RAI2: variants seen among roughly 807,000 people sequenced by gnomAD.
RAI2 encodes the protein retinoic acid-induced protein 2.
In RAI2, 5 loss-of-function variants were observed where a neutral mutation model predicts 15.3. That is an observed-to-expected ratio of 0.33 (90% CI 0.17 to 0.69). The LOEUF (loss-of-function observed/expected upper bound fraction) is 0.69, where lower values mean the gene tolerates loss of function less well. Ranked by LOEUF, RAI2 falls within the 30% of genes least tolerant of loss-of-function variation. RAI2 has a pLI of 0.69. For missense variants in RAI2, 424 were observed against 424.7 expected (o/e 1.00, Z 0.01); for synonymous variants, 191 against 184.0 (o/e 1.04, Z -0.31).
chrX:17,853,270 C>A (rs2067558629), intron 1 of RAI2, among the ~76,000 whole-genome samples: 1 of 112,040 alleles, frequency 8.9e-6, no homozygotes, highest in Admixed American at 9.4e-5. Flanking sequence ...CTTCCACCAA[C>A]CTTAGAATTA....
Position 17,800,783 on chromosome X carries a change from C to T in RAI2, c.1228G>A (p.Glu410Lys), listed in dbSNP as rs774465625. 1.6e-5 allele frequency: 19 copies of T among 1,211,786 alleles called. No homozygotes were observed. Among genetic ancestry groups the T allele is most frequent in the Admixed American group, 2.2e-5 (1 of 46,063 alleles). The change falls in exon 2 of 2, where the codon GAG (glutamate) becomes AAG (lysine). Residue 410 changes from glutamate (E) to lysine (K), a missense_variant. Coordinates refer to ENST00000451717, the MANE Select transcript of RAI2 (RefSeq NM_021785.6). ...GGGTGGTTGGGCTGGCTGAGCATCTCGGTAGCAGCATCACTGCTGCTGATG... is the reference window on the plus strand; with the variant it reads ...GGGTGGTTGGGCTGGCTGAGCATCTTGGTAGCAGCATCACTGCTGCTGATG... Reference protein sequence around the residue: ...SHISSSDAATEMLSQPNHPSG... With the variant: ...SHISSSDAATKMLSQPNHPSG...
intron 1 of RAI2, among the ~76,000 whole-genome samples, chrX:17,821,709 C>T (rs778047772): frequency 5.4e-5 from 6 of 111,338 alleles, no homozygotes; most frequent in Non-Finnish European, 9.4e-5. Context: ...AAGACTAGTA[C>T]AACTCATTTT....
At chrX:17,809,659 A>G (rs1295397020) in intron 1 of RAI2, among the ~76,000 whole-genome samples, 1 of 110,992 alleles carries the variant, frequency 9.0e-6, no homozygotes, top group Non-Finnish European at 1.9e-5. Context: ...TGTGAGAATG[A>G]AAACGTTACA....
intron 1 of RAI2, among the ~76,000 whole-genome samples, chrX:17,833,505 G>C (rs1240963663): frequency 8.9e-6 from 1 of 111,880 alleles, no homozygotes; most frequent in Non-Finnish European, 1.9e-5. Flanking sequence ...CTGGGTGACA[G>C]AGTGAGACTC....
chrX:17,859,180 T>C, intron 1 of RAI2, among the ~76,000 whole-genome samples: 1 of 111,231 alleles, frequency 9.0e-6, no homozygotes, highest in Non-Finnish European at 1.9e-5. Context: ...TCCCCTTCCG[T>C]ATTGTCCCCC....
chrX:17,850,501 A>T (rs889244619), intron 1 of RAI2, among the ~76,000 whole-genome samples: 2 of 112,344 alleles, frequency 1.8e-5, no homozygotes, highest in African/African-American at 6.5e-5. Context: ...GCCCCCTCAA[A>T]CTCCTCCAAA....
chrX:17,836,005 C>T (rs1333420551), intron 1 of RAI2, among the ~76,000 whole-genome samples: 1 of 112,169 alleles, frequency 8.9e-6, no homozygotes, highest in Admixed American at 9.5e-5. Context: ...CCTTTTCACA[C>T]TGTATTTTAT....
chrX:17,802,149 C>A, intron 1 of RAI2, 115 bp from the exon 2 acceptor site: 1 of 900,509 alleles, frequency 1.1e-6, no homozygotes, highest in Admixed American at 3.6e-5. Flanking sequence ...GGGAGCATAA[C>A]CCATCTCTCT....
intron 1 of RAI2, among the ~76,000 whole-genome samples, chrX:17,809,128 C>T (rs2067013272): frequency 8.9e-6 from 1 of 112,242 alleles, no homozygotes. Context: ...ATGAGGAATA[C>T]ACAAAATAGT....
chrX:17,831,442 C>G (rs1569351423), intron 1 of RAI2, among the ~76,000 whole-genome samples: 1 of 111,961 alleles, frequency 8.9e-6, no homozygotes, highest in Non-Finnish European at 1.9e-5. Context: ...TAGATACTTA[C>G]AAGTACATGC....
Position 17,801,410 on chromosome X carries a change from G to A in RAI2, c.601C>T (p.Pro201Ser), listed in dbSNP as rs776638616. 12 of 1,152,268 alleles carry A rather than the reference G, an allele frequency of 1.0e-5. No homozygotes were observed. Among genetic ancestry groups the A allele is most frequent in the South Asian group, 4.2e-5 (2 of 48,171 alleles). The allele number at this position is 1,152,268 out of a possible 1,213,427, so 95.0% of individuals were successfully genotyped here. A position where few individuals can be genotyped will look rare whatever the true frequency, so the allele number is the denominator to read the frequency against. ...LFPSQGTLGP[P>S]PCQPPPGYAP... is the part of the protein sequence containing the mutation. ...TAGCCAGGAGGAGGCTGACAGGGTG[G>A]GGGCCCGAGAGTGCCCTGGGAGGGA... The change falls in exon 2 of 2, where the codon CCA becomes TCA. Residue 201 changes from proline to serine, a missense_variant. Transcript: ENST00000451717.
intron 1 of RAI2, among the ~76,000 whole-genome samples, chrX:17,827,949 G>A (rs1317535207): frequency 9.0e-6 from 1 of 110,652 alleles, no homozygotes; most frequent in Non-Finnish European, 1.9e-5. Context: ...TTCTAGGCCA[G>A]CAATTCTAAA....
chrX:17,840,977 G>C (rs2067390687), intron 1 of RAI2, among the ~76,000 whole-genome samples: 2 of 112,161 alleles, frequency 1.8e-5, no homozygotes, highest in South Asian at 7.5e-4. Context: ...TAGTGAATTA[G>C]AGAGGGAAAC....
At position 17,825,741 on chromosome X, in the gene RAI2, GA is replaced by G. The variant is rs752044901; in HGVS notation, c.-24-23708del. Among the ~76,000 whole-genome samples the G allele has an allele frequency of 4.4e-5, 5 of 112,764 alleles. No individual in the cohort carries two copies. In the South Asian group the frequency reaches 1.8e-3, roughly 42 times the overall value. ...GACCATTACAGTAAGTCTTACTGAA[GA>G]AAGAATAAAACCAAGTAATTCCCTG... On this transcript the variant is annotated intron_variant, in intron 1 of 1. Coordinates refer to ENST00000451717, the MANE Select transcript of RAI2 (RefSeq NM_021785.6).
intron 1 of RAI2, among the ~76,000 whole-genome samples, chrX:17,809,741 G>C (rs2067022867): frequency 9.0e-6 from 1 of 110,606 alleles, no homozygotes; most frequent in Admixed American, 9.6e-5. Context: ...ACAAGTCTTA[G>C]TGTTACTGGC....
intron 1 of RAI2, among the ~76,000 whole-genome samples, chrX:17,806,620 T>C (rs2066984291): frequency 9.0e-6 from 1 of 111,266 alleles, no homozygotes. Flanking sequence ...CCAGGACAGA[T>C]GAGGAGGTAG....
Position 17,801,548 on chromosome X carries a change from G to C in RAI2, c.463C>G (p.Leu155Val), listed in dbSNP as rs747246701. ...PCSSSTIHNN[L>V]FQGAEDPEAQ... Reference sequence around the variant, plus strand: ...TCGGGGTCCTCCGCTCCCTGGAAGAGGTTGTTGTGGATGGTACTGGAGGAG... The same window carrying C: ...TCGGGGTCCTCCGCTCCCTGGAAGACGTTGTTGTGGATGGTACTGGAGGAG... The change falls in exon 2 of 2, where the codon CTC (leucine) becomes GTC (valine). Residue 155 changes from leucine to valine, a missense_variant. By Grantham distance (32) the Leu-to-Val change is conservative (BLOSUM62 1). Coordinates refer to ENST00000451717, the MANE Select transcript of RAI2 (RefSeq NM_021785.6). 2 of 1,206,247 alleles carry C rather than the reference G, an allele frequency of 1.7e-6. No homozygotes were observed. The highest frequency in any genetic ancestry group is 3.0e-5 in the East Asian group (1 of 33,784).
At chrX:17,828,327 T>C (rs2067248138) in intron 1 of RAI2, among the ~76,000 whole-genome samples, 1 of 108,757 alleles carries the variant, frequency 9.2e-6, no homozygotes, top group Non-Finnish European at 1.9e-5. Flanking sequence ...CTTGCCTCCC[T>C]CTCTCTCCTG....
At chrX:17,844,549 C>G (rs965365109) in intron 1 of RAI2, among the ~76,000 whole-genome samples, 1 of 112,814 alleles carries the variant, frequency 8.9e-6, no homozygotes, top group Non-Finnish European at 1.9e-5. Context: ...CAGCAAGAAC[C>G]CAGCTTGGAA....
Sources: gnomAD v4.1 joint callset for allele counts (sites outside exome capture counted in the v4.1 genomes callset) on GRCh38, gnomAD v4.1.1 for gene constraint, MANE v1.5 for transcripts, NCBI Gene and HGNC (gene_info 2026-07-23, HGNC 2026-07-21) for gene names.